The following ARFGEF3 variants were observed in gnomAD, a reference collection of about 807,000 sequenced individuals.
The protein encoded by ARFGEF3 is brefeldin A-inhibited guanine nucleotide-exchange protein 3.
In ARFGEF3, 96 loss-of-function variants were observed where a neutral mutation model predicts 221.7. That is an observed-to-expected ratio of 0.43 (90% confidence interval 0.37 to 0.51). ARFGEF3 has a LOEUF of 0.51. ARFGEF3 is among the 20% of genes least tolerant of loss of function. The pLI is 0.00. For synonymous variants in ARFGEF3, 1,145 were observed against 1,126.8 expected (o/e 1.02, Z -0.32); for missense variants, 2,410 against 2,789.9 (o/e 0.86, Z 3.07).
chr6:138,232,854 C>T (rs998647352), intron 5 of ARFGEF3, among the ~76,000 whole-genome samples: 1 of 152,058 alleles, frequency 6.6e-6, no homozygotes, highest in Non-Finnish European at 1.5e-5. Context: ...TTTGCTTGCT[C>T]AAGTTTCTAC....
At chr6:138,264,034 G>A (rs1167317775) in intron 12 of ARFGEF3, among the ~76,000 whole-genome samples, 2 of 152,164 alleles carry the variant, frequency 1.3e-5, no homozygotes, top group Non-Finnish European at 2.9e-5. Context: ...TGGATCAGTT[G>A]CACGCCAAGT....
At chr6:138,268,044 C>T (rs1233808868) in intron 12 of ARFGEF3, among the ~76,000 whole-genome samples, 6 of 152,204 alleles carry the variant, frequency 3.9e-5, no homozygotes, top group African/African-American at 1.4e-4. Context: ...TCTTCCATCA[C>T]TGCTGTGGTT....
At position 138,341,934 on chromosome 6, in the gene ARFGEF3, T is replaced by C. The variant is rs1402161822; in HGVS notation, c.*5448T>C. The stretch of plus-strand genomic sequence containing the variant: ...CCATACAGAACCTTTTCTCTGTATC[T>C]TTGTACAATACTACAAAGGGGTACC... On this transcript the variant is annotated 3_prime_UTR_variant, in exon 34 of 34. Transcript: ENST00000251691. 2 of 152,008 alleles carry C rather than the reference T, an allele frequency of 1.3e-5. No homozygotes were observed. Among genetic ancestry groups the C allele is most frequent in the Middle Eastern group, 3.2e-3 (1 of 316 alleles). The allele number at this position is 152,008 out of a possible 1,614,324, so 9.4% of individuals were successfully genotyped here. A position where few individuals can be genotyped will look rare whatever the true frequency, so the allele number is the denominator to read the frequency against.
At chr6:138,217,980 C>A (rs1391736506) in intron 4 of ARFGEF3, 2 of 1,595,954 alleles carry the variant, frequency 1.3e-6, no homozygotes, top group Non-Finnish European at 1.7e-6. Context: ...TGCAGCAGGG[C>A]TGAGAGTTTA....
Position 138,286,843 on chromosome 6 carries a change from C to A in ARFGEF3, c.2712C>A (p.Asn904Lys), listed in dbSNP as rs764033295. The A allele has an allele frequency of 2.5e-6, 4 of 1,614,000 alleles. No homozygotes were observed. The highest frequency in any genetic ancestry group is 1.7e-6 in the Non-Finnish European group (2 of 1,179,902). The change falls in exon 16 of 34, where the codon AAC becomes AAA. Residue 904 changes from asparagine to lysine, a missense_variant. Physicochemically the swap from Asn to Lys is moderately conservative, Grantham distance 94. Coordinates refer to ENST00000251691, the MANE Select transcript of ARFGEF3 (RefSeq NM_020340.5). Reference sequence around the variant, plus strand: ...GAGCTGAAGGCATCAAAGAGCAGAACCAGAAGGAGCGGGACGCCATCTGCA... The same window carrying A: ...GAGCTGAAGGCATCAAAGAGCAGAAACAGAAGGAGCGGGACGCCATCTGCA... ...ILGAEGIKEQNQKERDAICMS... is the reference protein window; with the variant it reads ...ILGAEGIKEQKQKERDAICMS...
intron 2 of ARFGEF3, among the ~76,000 whole-genome samples, chr6:138,171,392 C>G (rs1237092186): frequency 1.3e-5 from 2 of 152,152 alleles, no homozygotes; most frequent in African/African-American, 4.8e-5. Context: ...GAAAATTGCA[C>G]TCCCTCTGAT....
chr6:138,306,407 A>T (rs1312255687), intron 22 of ARFGEF3, among the ~76,000 whole-genome samples: 1 of 152,208 alleles, frequency 6.6e-6, no homozygotes, highest in Non-Finnish European at 1.5e-5. Context: ...GTATAGATTC[A>T]GCGCAATTCC....
chr6:138,286,988 CA>C, intron 16 of ARFGEF3, 72 bp downstream of exon 16: 1 of 1,579,684 alleles, frequency 6.3e-7, no homozygotes, highest in Non-Finnish European at 8.6e-7. Flanking sequence ...CAGGGTGGGG[CA>C]GGGGGACCCT....
At chr6:138,171,182 G>A (rs1776822548) in intron 2 of ARFGEF3, among the ~76,000 whole-genome samples, 1 of 151,624 alleles carries the variant, frequency 6.6e-6, no homozygotes, top group Admixed American at 6.6e-5. Context: ...CATTTTACTT[G>A]CTGACTAAAG....
intron 23 of ARFGEF3, 32 bp downstream of exon 23, chr6:138,307,429 G>A: frequency 1.9e-6 from 3 of 1,587,570 alleles, no homozygotes; most frequent in Non-Finnish European, 2.6e-6. Flanking sequence ...TTGCTATTCA[G>A]CATTAATTCT....
At chr6:138,265,640 G>GTC (rs1321316271) in intron 12 of ARFGEF3, among the ~76,000 whole-genome samples, 7 of 151,346 alleles carry the variant, frequency 4.6e-5, no homozygotes, top group African/African-American at 7.3e-5. Context: ...CTGTCTTTTT[G>GTC]TCTCTCTCTC....
chr6:138,291,690 T>G lies in ARFGEF3; in HGVS notation c.3048-43T>G. 7.9e-7 allele frequency: 1 copy of G among 1,270,584 alleles called. No homozygotes were observed. 78.7% of individuals were successfully genotyped at this position (1,270,584 alleles called of 1,614,324 possible). The stretch of plus-strand genomic sequence containing the variant: ...TGTGGGGTTTATGGAGCTGCCGGGG[T>G]GAGCTGCAGCGCCTAACAGCTGCTT... On this transcript the variant is annotated intron_variant, in intron 18 of 33. Transcript: ENST00000251691. The surrounding 1 kb of genome is among the most constrained non-coding windows in gnomAD (Gnocchi z 4.5).
At position 138,320,946 on chromosome 6, in the gene ARFGEF3, G is replaced by T. The variant is rs3736709; in HGVS notation, c.4652-165G>T. Among the ~76,000 whole-genome samples the T allele has an allele frequency of 9.9e-3, 19 of 1,926 alleles. 1 individual carries two copies. Among genetic ancestry groups the T allele is most frequent in the African/African-American group, 0.069 (4 of 58 alleles). 1.3% of individuals were successfully genotyped at this position (1,926 alleles called of 152,430 possible). A position where few individuals can be genotyped will look rare whatever the true frequency, so the allele number is the denominator to read the frequency against. Reference sequence around the variant, plus strand: ...AATTATTGTTTTACTGGGTTTTGGCGGGGGGGGGCAGGAGGAGGATATGGC... The same window carrying T: ...AATTATTGTTTTACTGGGTTTTGGCTGGGGGGGGCAGGAGGAGGATATGGC... On this transcript the variant is annotated intron_variant, in intron 28 of 33. Coordinates refer to ENST00000251691, the MANE Select transcript of ARFGEF3 (RefSeq NM_020340.5).
intron 33 of ARFGEF3, among the ~76,000 whole-genome samples, chr6:138,335,859 T>C (rs1237190327): frequency 3.3e-5 from 5 of 152,188 alleles, no homozygotes; most frequent in African/African-American, 9.7e-5. Flanking sequence ...TTTCAAATTG[T>C]TTTCATCTCA....
At chr6:138,333,084 G>C (rs964174231) in intron 32 of ARFGEF3, among the ~76,000 whole-genome samples, 19 of 152,156 alleles carry the variant, frequency 1.2e-4, no homozygotes, top group African/African-American at 4.1e-4. Flanking sequence ...GCATTAATTG[G>C]CCATATAATG....
intron 13 of ARFGEF3, 87 bp downstream of exon 13, chr6:138,278,704 G>C: frequency 7.0e-7 from 1 of 1,424,860 alleles, no homozygotes; most frequent in Non-Finnish European, 9.6e-7. Context: ...TGAGTGGGAT[G>C]GCACAGCGTG....
At position 138,262,907 on chromosome 6, in the gene ARFGEF3, A is replaced by G. The variant is rs1210752016; in HGVS notation, c.1424A>G (p.Asn475Ser). 2.5e-6 allele frequency: 4 copies of G among 1,612,366 alleles called. No homozygotes were observed. Among genetic ancestry groups the G allele is most frequent in the Middle Eastern group, 1.6e-4 (1 of 6,082 alleles). Reference sequence around the variant, plus strand: ...TGGAGCCGAGATTCCATGGAGATCAATGAGGCTGACTTCCGCTGGCAGCGG... The same window carrying G: ...TGGAGCCGAGATTCCATGGAGATCAGTGAGGCTGACTTCCGCTGGCAGCGG... ...AEWSRDSMEI[N>S]EADFRWQRRV... is the part of the protein sequence containing the mutation. Residue 475 changes from asparagine (N) to serine (S), a missense_variant, in exon 12 of 34, where the codon AAT (asparagine) becomes AGT (serine). Physicochemically the swap from Asn to Ser is conservative, Grantham distance 46. Coordinates refer to ENST00000251691, the MANE Select transcript of ARFGEF3 (RefSeq NM_020340.5).
At position 138,214,917 on chromosome 6, in the gene ARFGEF3, T is replaced by C. The variant is rs1777807851; in HGVS notation, c.351+4876T>C. ...AAAAGGCAAGTTTGATTTATTGAAA[T>C]GGCTATGGAACCCAAAGAAAAGTTT... is the stretch of plus-strand genomic sequence containing the variant. On this transcript the variant is annotated intron_variant, in intron 4 of 33. Transcript: ENST00000251691. Among the ~76,000 whole-genome samples, 5 of 152,302 alleles carry C rather than the reference T, an allele frequency of 3.3e-5. No individual in the cohort carries two copies. The South Asian group carries it at 1.0e-3, about 32-fold the overall frequency.
At position 138,335,481 on chromosome 6, in the gene ARFGEF3, G is replaced by A. The variant is rs74870572; in HGVS notation, c.6342+293G>A. 6.8e-3 allele frequency among the ~76,000 whole-genome samples: 1,037 copies of A among 151,640 alleles called. 16 individuals carry two copies. The highest frequency in any genetic ancestry group is 0.024 in the African/African-American group (992 of 41,332). ...AACTTACCTGTATAAATAAGGTGAG[G>A]CTAAAGCTTATAACATGTAAGCTTT... On this transcript the variant is annotated intron_variant, in intron 33 of 33. Coordinates refer to ENST00000251691, the MANE Select transcript of ARFGEF3 (RefSeq NM_020340.5).
Sources: gnomAD v4.1 joint callset for allele counts (sites outside exome capture counted in the v4.1 genomes callset) on GRCh38, gnomAD v4.1.1 for gene constraint, Gnocchi (gnomAD v3.1) non-coding constraint, MANE v1.5 for transcripts, NCBI Gene and HGNC (gene_info 2026-07-23, HGNC 2026-07-21) for gene names.